The following UGGT2 variants were observed in gnomAD, a reference collection of about 807,000 sequenced individuals.
The protein encoded by UGGT2 is UDP-glucose glycoprotein glucosyltransferase 2, also known as UDP-glucose:glycoprotein glucosyltransferase 2.
UGGT2 carries 180 observed loss-of-function variants against 192.1 expected under a neutral mutation model. The ratio of observed to expected loss-of-function variants is 0.94; its 90% CI spans 0.83 to 1.06. The LOEUF (loss-of-function observed/expected upper bound fraction) is 1.06. Among genes scored for constraint, UGGT2 ranks in the 50% least tolerant of loss-of-function variants. The probability of loss-of-function intolerance (pLI) is 0.00; values close to 1 mark genes in which losing one functional copy is unlikely to be tolerated. For synonymous variants in UGGT2, 580 were observed against 591.0 expected (o/e 0.98, Z 0.27); for missense variants, 1,849 against 1,795.7 (o/e 1.03, Z -0.54).
Position 95,935,802 on chromosome 13 carries a change from G to A in UGGT2, c.1977+1122C>T, listed in dbSNP as rs150888821. 2.0e-4 allele frequency among the ~76,000 whole-genome samples: 31 copies of A among 152,182 alleles called. No individual in the cohort carries two copies. The East Asian group carries it at 3.1e-3, about 15-fold the overall frequency. On this transcript the variant is annotated intron_variant, in intron 17 of 38. Coordinates refer to ENST00000376747, the MANE Select transcript of UGGT2 (RefSeq NM_020121.4). ...GGTTTGGTTCCTTTAACATAATCCC[G>A]TATTTCTTGAACACTTTGTTCATTT...
At chr13:95,930,817 G>A (rs2049228602) in intron 17 of UGGT2, among the ~76,000 whole-genome samples, 1 of 152,158 alleles carries the variant, frequency 6.6e-6, no homozygotes, top group Admixed American at 6.5e-5. Context: ...GTTCAGATGT[G>A]TTCGGGGTTT....
chr13:95,840,773 T>G (rs962350711), intron 36 of UGGT2, among the ~76,000 whole-genome samples: 4 of 152,154 alleles, frequency 2.6e-5, no homozygotes, highest in African/African-American at 9.7e-5. Flanking sequence ...GCAGCACTAT[T>G]TACAATAGCA....
intron 17 of UGGT2, among the ~76,000 whole-genome samples, chr13:95,930,467 T>C (rs1396479683): frequency 1.3e-5 from 2 of 152,228 alleles, no homozygotes; most frequent in African/African-American, 2.4e-5. Context: ...GGGTCCAGTT[T>C]TGTTTGCATA....
chr13:95,869,608 C>T (rs1464342893), intron 29 of UGGT2, among the ~76,000 whole-genome samples: 1 of 152,112 alleles, frequency 6.6e-6, no homozygotes, highest in East Asian at 1.9e-4. Flanking sequence ...GAGGAAAGTA[C>T]AATTATTATC....
At chr13:95,874,090 C>T (rs928508825) in intron 29 of UGGT2, among the ~76,000 whole-genome samples, 2 of 152,128 alleles carry the variant, frequency 1.3e-5, no homozygotes, top group Non-Finnish European at 2.9e-5. Flanking sequence ...ATTGTTCAAC[C>T]GCTTATCTCC....
intron 1 of UGGT2, among the ~76,000 whole-genome samples, chr13:96,051,310 C>T (rs1261028516): frequency 6.6e-6 from 1 of 152,136 alleles, no homozygotes; most frequent in African/African-American, 2.4e-5. Flanking sequence ...CAATGGGGAA[C>T]ATCACACACC....
Position 95,902,869 on chromosome 13 carries a change from T to C in UGGT2, c.2487A>G (p.Lys829=), listed in dbSNP as rs750272440. The C allele has an allele frequency of 6.8e-6, 11 of 1,612,872 alleles. No homozygotes were observed. The East Asian group carries it at 2.0e-4, about 29-fold the overall frequency. The part of the protein sequence containing the change: ...ATAIYSGDKI[K]TFLIEGMDKN... ...AGCTACTGACCTCAATAAGGAATGT[T>C]TTAATTTTATCTCCAGAGTAAATAG... Residue 829 remains lysine, a synonymous_variant, in exon 21 of 39, where the codon AAA becomes AAG. Coordinates refer to ENST00000376747, the MANE Select transcript of UGGT2 (RefSeq NM_020121.4).
At chr13:95,848,183 T>A (rs1442296353) in intron 36 of UGGT2, among the ~76,000 whole-genome samples, 1 of 152,218 alleles carries the variant, frequency 6.6e-6, no homozygotes, top group Non-Finnish European at 1.5e-5. Flanking sequence ...TTAGAGTTCT[T>A]TGCATTTTTT....
chr13:95,861,690 T>C (rs1890185167), intron 31 of UGGT2, among the ~76,000 whole-genome samples: 2 of 152,156 alleles, frequency 1.3e-5, no homozygotes, highest in South Asian at 4.1e-4. Context: ...ATGAATAAAA[T>C]TGGGTAAACA....
At chr13:95,985,908 A>C (rs957612315) in intron 9 of UGGT2, among the ~76,000 whole-genome samples, 1 of 152,154 alleles carries the variant, frequency 6.6e-6, no homozygotes, top group African/African-American at 2.4e-5. Flanking sequence ...AGACATTACC[A>C]ATCATTTGGA....
intron 37 of UGGT2, among the ~76,000 whole-genome samples, chr13:95,836,841 A>AC (rs34069869): frequency 6.6e-6 from 1 of 152,042 alleles, no homozygotes; most frequent in Admixed American, 6.5e-5. Context: ...GTGATAAATC[A>AC]AGCCATGAAT....
intron 38 of UGGT2, 96 bp from the exon 39 acceptor site, chr13:95,801,908 T>C: frequency 7.0e-7 from 1 of 1,423,222 alleles, no homozygotes; most frequent in Non-Finnish European, 9.8e-7. Context: ...CGGTACTGAC[T>C]GAGGATCCTT....
intron 4 of UGGT2, among the ~76,000 whole-genome samples, chr13:96,022,138 A>T (rs1383943005): frequency 6.6e-6 from 1 of 152,102 alleles, no homozygotes; most frequent in Non-Finnish European, 1.5e-5. Flanking sequence ...CAGAACAAAG[A>T]GCTATGAAAT....
At chr13:95,946,929 A>G in intron 15 of UGGT2, 108 bp downstream of exon 15, 2 of 1,200,032 alleles carry the variant, frequency 1.7e-6, no homozygotes, top group Non-Finnish European at 2.3e-6. Flanking sequence ...TAAACTTTGA[A>G]ATGTTACAAT....
In UGGT2 at chr13:95,975,410, TGGTGGAGGAAGAGTAA is replaced by T. The variant is rs1265600601; in HGVS notation, c.1093-2755_1093-2740del. Among the ~76,000 whole-genome samples, 11 of 152,220 alleles carry T rather than the reference TGGTGGAGGAAGAGTAA, an allele frequency of 7.2e-5. No homozygotes were observed. In the East Asian group the frequency reaches 1.9e-3, roughly 27 times the overall value. ...AATTTGTCTACCTCACCTTGGTTCT[TGGTGGAGGAAGAGTAA>T]GTCTCCCAAATGAATTCATGGCCTC... is the stretch of plus-strand genomic sequence containing the variant. On this transcript the variant is annotated intron_variant, in intron 10 of 38. Transcript: ENST00000376747.
chr13:95,871,686 A>G (rs1313274733), intron 29 of UGGT2, among the ~76,000 whole-genome samples: 1 of 152,178 alleles, frequency 6.6e-6, no homozygotes, highest in African/African-American at 2.4e-5. Context: ...ACTGATGTCT[A>G]GGTATTTCCA....
intron 38 of UGGT2, among the ~76,000 whole-genome samples, chr13:95,820,637 A>C (rs1885414582): frequency 6.6e-6 from 1 of 152,042 alleles, no homozygotes; most frequent in Admixed American, 6.6e-5. Context: ...TTTGGGGTGC[A>C]AGTGGTTTTC....
At chr13:95,928,577 T>G (rs1041506514) in intron 17 of UGGT2, among the ~76,000 whole-genome samples, 2 of 145,458 alleles carry the variant, frequency 1.4e-5, no homozygotes, top group Non-Finnish European at 3.0e-5. Flanking sequence ...GGGGCAGAGG[T>G]GCTCTTCACA....
At chr13:96,049,106 A>G (rs934795556) in intron 1 of UGGT2, among the ~76,000 whole-genome samples, 2 of 152,234 alleles carry the variant, frequency 1.3e-5, no homozygotes, top group African/African-American at 4.8e-5. Context: ...AACCAAATCC[A>G]GCAGCATCTC....
Sources: gnomAD v4.1 joint callset for allele counts (sites outside exome capture counted in the v4.1 genomes callset) on GRCh38, gnomAD v4.1.1 for gene constraint, MANE v1.5 for transcripts, NCBI Gene and HGNC (gene_info 2026-07-23, HGNC 2026-07-21) for gene names.